Variants in PRKAR2B observed in about 807,000 individuals in gnomAD.
PRKAR2B encodes protein kinase cAMP-dependent type II regulatory subunit beta.
A neutral mutation model predicts 49.9 loss-of-function variants in PRKAR2B; 14 were observed. That is an observed-to-expected ratio of 0.28 (90% CI 0.19 to 0.44). The LOEUF is 0.44. PRKAR2B is among the 20% of genes least tolerant of loss of function. PRKAR2B has a pLI of 1.00. For synonymous variants in PRKAR2B, 196 were observed against 197.7 expected (o/e 0.99, Z 0.07); for missense variants, 393 against 537.9 (o/e 0.73, Z 2.67).
intron 2 of PRKAR2B, among the ~76,000 whole-genome samples, chr7:107,097,143 C>CT (rs931167681): frequency 2.0e-5 from 3 of 152,138 alleles, no homozygotes; most frequent in African/African-American, 4.8e-5. Flanking sequence ...GTGTGGGAGT[C>CT]TAAGTCTCTT....
chr7:107,161,732 G>A lies in PRKAR2B; in HGVS notation c.*2150G>A, dbSNP rs1796202303. 6.6e-6 allele frequency: 1 copy of A among 152,106 alleles called. No individual in the cohort carries two copies. The allele number at this position is 152,106 out of a possible 1,614,324, so 9.4% of individuals were successfully genotyped here. A position where few individuals can be genotyped will look rare whatever the true frequency, so the allele number is the denominator to read the frequency against. The stretch of plus-strand genomic sequence containing the variant: ...TTGTGGTGTGTTGCAGATTTATTTG[G>A]CCATTTAGAATAACCAAATCAATCT... On this transcript the variant is annotated 3_prime_UTR_variant, in exon 11 of 11. Transcript: ENST00000265717.
At chr7:107,060,392 A>G (rs979161870) in intron 1 of PRKAR2B, among the ~76,000 whole-genome samples, 4 of 152,216 alleles carry the variant, frequency 2.6e-5, no homozygotes, top group African/African-American at 9.6e-5. Flanking sequence ...CGAACATTCA[A>G]TATTGTCAGA....
chr7:107,105,169 C>T (rs770928905), intron 2 of PRKAR2B, among the ~76,000 whole-genome samples: 1 of 152,164 alleles, frequency 6.6e-6, no homozygotes, highest in Non-Finnish European at 1.5e-5. Flanking sequence ...GTTACATTAG[C>T]AGCTCTACCG....
rs181867512 is a variant in PRKAR2B at position 107,114,431 on chromosome 7, G to T, written c.344-7521G>T. Among the ~76,000 whole-genome samples, 1,362 of 150,144 alleles carry T rather than the reference G, an allele frequency of 9.1e-3. 23 individuals carry two copies. The highest frequency in any genetic ancestry group is 0.032 in the African/African-American group (1,304 of 40,890). On this transcript the variant is annotated intron_variant, in intron 2 of 10. Transcript: ENST00000265717. ...GGCTGGAGTGCAGTGGCACCATCTC[G>T]GCTCACTGCAACCTCCGCTTCCTGG...
chr7:107,065,322 ATGTGTGTG>A (rs71134248), intron 1 of PRKAR2B, among the ~76,000 whole-genome samples: 4,071 of 143,782 alleles, frequency 0.028, 121 homozygotes, highest in African/African-American at 0.063. Flanking sequence ...GGGTGTGTGT[ATGTGTGTG>A]TGTGTGTGTG....
chr7:107,062,405 G>A (rs1162678171), intron 1 of PRKAR2B, among the ~76,000 whole-genome samples: 1 of 152,082 alleles, frequency 6.6e-6, no homozygotes. Flanking sequence ...GGAGAATGGA[G>A]ATATATATAT....
intron 1 of PRKAR2B, among the ~76,000 whole-genome samples, chr7:107,060,275 G>T (rs962301324): frequency 5.3e-5 from 8 of 151,998 alleles, no homozygotes; most frequent in Non-Finnish European, 1.2e-4. Flanking sequence ...TGATTGTAGG[G>T]GTGCACAGCT....
intron 4 of PRKAR2B, among the ~76,000 whole-genome samples, chr7:107,136,631 T>A (rs887574968): frequency 1.3e-5 from 2 of 152,210 alleles, no homozygotes; most frequent in Non-Finnish European, 1.5e-5. Flanking sequence ...TCTATTAGAA[T>A]GGCCAAAATT....
At chr7:107,101,554 C>T (rs2116813877) in intron 2 of PRKAR2B, among the ~76,000 whole-genome samples, 1 of 152,294 alleles carries the variant, frequency 6.6e-6, no homozygotes, top group Non-Finnish European at 1.5e-5. Flanking sequence ...TCCGTGTCTG[C>T]CTCATTTTCT....
Position 107,159,537 on chromosome 7 carries a change from T to G in PRKAR2B, c.1212T>G (p.Val404=), listed in dbSNP as rs996599683. The G allele has an allele frequency of 4.3e-6, 7 of 1,614,084 alleles. No individual in the cohort carries two copies. In the Admixed American group the frequency reaches 1.0e-4, roughly 23 times the overall value. Residue 404 remains valine, a synonymous_variant, in exon 11 of 11, where the codon GTT becomes GTG. Transcript: ENST00000265717. The stretch of plus-strand genomic sequence containing the variant: ...TCGCTACCTATGAAGAACAGTTAGT[T>G]GCCCTGTTTGGAACGAACATGGATA... ...RNIATYEEQL[V]ALFGTNMDIV...
At chr7:107,095,253 A>T (rs1256399784) in intron 2 of PRKAR2B, among the ~76,000 whole-genome samples, 3 of 152,080 alleles carry the variant, frequency 2.0e-5, no homozygotes, top group African/African-American at 7.2e-5. Flanking sequence ...TAGGTATTTT[A>T]TTCTCTTTGA....
intron 2 of PRKAR2B, among the ~76,000 whole-genome samples, chr7:107,073,826 C>T (rs965686459): frequency 3.3e-5 from 5 of 151,956 alleles, no homozygotes; most frequent in African/African-American, 9.7e-5. Flanking sequence ...TTTGGGAGGC[C>T]GTGGTGGGCG....
intron 2 of PRKAR2B, among the ~76,000 whole-genome samples, chr7:107,109,251 G>T (rs1238500715): frequency 2.0e-5 from 3 of 151,784 alleles, no homozygotes; most frequent in Non-Finnish European, 4.4e-5. Context: ...CATAGTTTTT[G>T]TTTTTGTTTT....
At chr7:107,121,349 A>G (rs1436089985) in intron 2 of PRKAR2B, among the ~76,000 whole-genome samples, 5 of 152,190 alleles carry the variant, frequency 3.3e-5, no homozygotes, top group Non-Finnish European at 7.4e-5. Context: ...TATTTACGGC[A>G]TATAATAATC....
At position 107,098,775 on chromosome 7, in the gene PRKAR2B, A is replaced by G. The variant is rs182124681; in HGVS notation, c.344-23177A>G. Among the ~76,000 whole-genome samples the G allele has an allele frequency of 4.7e-3, 712 of 152,276 alleles. 6 individuals are homozygous for G. The highest frequency in any genetic ancestry group is 0.015 in the African/African-American group (629 of 41,530). On this transcript the variant is annotated intron_variant, in intron 2 of 10. Coordinates refer to ENST00000265717, the MANE Select transcript of PRKAR2B (RefSeq NM_002736.3). ...CTGCAGGTCTGTTGTAGTTTGCTGG[A>G]GGTCCACTCCAGACCCTGTTTTCCT... is the stretch of plus-strand genomic sequence containing the variant.
chr7:107,051,896 G>A (rs74828885), intron 1 of PRKAR2B, among the ~76,000 whole-genome samples: 1,676 of 152,162 alleles, frequency 0.011, 23 homozygotes, highest in Middle Eastern at 0.017. Context: ...TTTGACTAAG[G>A]ATGACATTGT....
chr7:107,058,728 A>G (rs1350837123), intron 1 of PRKAR2B, among the ~76,000 whole-genome samples: 1 of 151,516 alleles, frequency 6.6e-6, no homozygotes, highest in Non-Finnish European at 1.5e-5. Context: ...ACCCGTTTGT[A>G]AAAAGAATAT....
At chr7:107,128,471 T>C (rs1795540327) in intron 4 of PRKAR2B, among the ~76,000 whole-genome samples, 176 bp downstream of exon 4, 1 of 152,080 alleles carries the variant, frequency 6.6e-6, no homozygotes, top group Non-Finnish European at 1.5e-5. Flanking sequence ...GAGAGGAATA[T>C]TGAGTTTGGG....
In PRKAR2B at chr7:107,045,148, A is replaced by T. The variant is rs1379502463; in HGVS notation, c.241A>T (p.Met81Leu). 3 of 1,510,888 alleles carry T rather than the reference A, an allele frequency of 2.0e-6. No individual in the cohort carries two copies. The highest frequency in any genetic ancestry group is 2.5e-5 in the East Asian group (1 of 39,968). 93.6% of individuals were successfully genotyped at this position (1,510,888 alleles called of 1,614,324 possible). ...GGGGGTCAACTTCGCCGAGGAGCCC[A>T]TGCAGTCCGACTCCGAGGACGGGGA... The part of the protein sequence containing the change: ...SKGVNFAEEP[M>L]QSDSEDGEEE... Residue 81 changes from methionine to leucine, a missense_variant, in exon 1 of 11, where the codon ATG becomes TTG. Physicochemically the swap from Met to Leu is conservative, Grantham distance 15. Coordinates refer to ENST00000265717, the MANE Select transcript of PRKAR2B (RefSeq NM_002736.3).
Sources: gnomAD v4.1 joint callset for allele counts (sites outside exome capture counted in the v4.1 genomes callset) on GRCh38, gnomAD v4.1.1 for gene constraint, MANE v1.5 for transcripts, NCBI Gene and HGNC (gene_info 2026-07-23, HGNC 2026-07-21) for gene names.